VCL: variants seen among roughly 807,000 people sequenced by gnomAD.
VCL encodes epididymis luminal protein 114.
Under a neutral mutation model 125.7 loss-of-function variants are expected in VCL, and 47 were observed. The observed-to-expected ratio is 0.37, with a 90% CI of 0.30 to 0.48. The LOEUF is 0.48. Ranked by LOEUF, VCL falls within the 20% of genes least tolerant of loss-of-function variation. VCL has a pLI of 0.99. For synonymous variants in VCL, 458 were observed against 514.6 expected (o/e 0.89, Z 1.49); for missense variants, 1,069 against 1,455.5 (o/e 0.73, Z 4.32).
At chr10:74,056,525 G>A (rs1841394131) in intron 2 of VCL, among the ~76,000 whole-genome samples, 1 of 152,136 alleles carries the variant, frequency 6.6e-6, no homozygotes, top group Non-Finnish European at 1.5e-5. Flanking sequence ...ATACTTTGTG[G>A]ATGAGGTCTG....
chr10:74,003,660 C>T (rs1465250922), intron 1 of VCL, among the ~76,000 whole-genome samples: 1 of 152,128 alleles, frequency 6.6e-6, no homozygotes, highest in Admixed American at 6.6e-5. Flanking sequence ...GGGACCAGCT[C>T]TGGGACAAAT....
chr10:74,031,071 A>T (rs996860074), intron 1 of VCL, among the ~76,000 whole-genome samples: 3 of 152,242 alleles, frequency 2.0e-5, no homozygotes, highest in African/African-American at 7.2e-5. Context: ...GAAATAAGGA[A>T]TTCTTGGTCA....
intron 19 of VCL, among the ~76,000 whole-genome samples, chr10:74,113,837 A>G (rs554305163): frequency 6.6e-6 from 1 of 152,260 alleles, no homozygotes; most frequent in Admixed American, 6.5e-5. Context: ...GAGATGCCAA[A>G]GTGCTTGTTC....
rs759560099 is a variant in VCL, at chr10:74,094,476, G to A, written c.1543+15G>A. 8.7e-6 allele frequency: 14 copies of A among 1,610,396 alleles called. No individual in the cohort carries two copies. The Admixed American group carries it at 2.2e-4, about 25-fold the overall frequency. ...CCGTGGAGTCGGTAAGGGCAGCAGT[G>A]CACTATAACCTCATTAAATTGGTCT... On this transcript the variant is annotated intron_variant, in intron 11 of 21. Coordinates refer to ENST00000211998, the MANE Select transcript of VCL (RefSeq NM_014000.3).
intron 21 of VCL, among the ~76,000 whole-genome samples, chr10:74,116,876 G>A (rs1028079758): frequency 1.9e-4 from 29 of 152,182 alleles, no homozygotes; most frequent in African/African-American, 7.0e-4. Context: ...ACTTATCAGA[G>A]CCTGTGAAAC....
intron 6 of VCL, 85 bp downstream of exon 6, chr10:74,074,988 C>G (rs1043037935): frequency 6.4e-7 from 1 of 1,558,194 alleles, no homozygotes; most frequent in African/African-American, 1.4e-5. Context: ...CATACTTTAT[C>G]TTGTAATTTT....
chr10:74,048,829 T>A (rs1841242021), intron 2 of VCL, among the ~76,000 whole-genome samples: 1 of 151,710 alleles, frequency 6.6e-6, no homozygotes, highest in African/African-American at 2.4e-5. Flanking sequence ...AAAGAAAAAA[T>A]TAATTGAGAG....
At position 74,094,323 on chromosome 10, in the gene VCL, G is replaced by C; in HGVS notation, c.1405G>C (p.Ala469Pro). The C allele has an allele frequency of 6.2e-7, 1 of 1,614,144 alleles. No homozygotes were observed. The highest frequency in any genetic ancestry group is 8.5e-7 in the Non-Finnish European group (1 of 1,180,026). Residue 469 changes from alanine to proline, a missense_variant, in exon 11 of 22, where the codon GCC becomes CCC. By Grantham distance (27) the Ala-to-Pro change is conservative. Transcript: ENST00000211998. ...AGCCTTGGCCAAACAGGTGGCCACG[G>C]CCCTGCAGAACCTGCAGACCAAAAC... ...ARALAKQVAT[A>P]LQNLQTKTNR...
chr10:74,034,206 A>T (rs986529629), intron 1 of VCL, among the ~76,000 whole-genome samples: 3 of 152,198 alleles, frequency 2.0e-5, no homozygotes, highest in African/African-American at 7.2e-5. Context: ...TTTACTTAGA[A>T]TAATTAAATA....
intron 21 of VCL, among the ~76,000 whole-genome samples, chr10:74,116,867 C>T (rs962413393): frequency 7.9e-5 from 12 of 152,302 alleles, no homozygotes; most frequent in African/African-American, 2.6e-4. Flanking sequence ...CACAGTTACA[C>T]TTATCAGAGC....
intron 1 of VCL, among the ~76,000 whole-genome samples, chr10:74,037,101 G>A (rs562417660): frequency 1.3e-5 from 2 of 151,992 alleles, no homozygotes; most frequent in Non-Finnish European, 2.9e-5. Flanking sequence ...TAGTCGAGAC[G>A]GGGTTTCACC....
chr10:74,002,580 T>C (rs1018955796), intron 1 of VCL, among the ~76,000 whole-genome samples: 8 of 151,554 alleles, frequency 5.3e-5, no homozygotes, highest in African/African-American at 1.9e-4. Context: ...TATTTAGAGA[T>C]GTGGTAAGAA....
At chr10:74,096,236 C>T (rs1839967520) in intron 12 of VCL, among the ~76,000 whole-genome samples, 1 of 151,020 alleles carries the variant, frequency 6.6e-6, no homozygotes, top group South Asian at 2.1e-4. Flanking sequence ...GTGGTACATG[C>T]CTGTAATCTC....
intron 4 of VCL, among the ~76,000 whole-genome samples, 163 bp from the exon 5 acceptor site, chr10:74,072,567 A>T (rs941615984): frequency 2.0e-5 from 3 of 152,224 alleles, no homozygotes; most frequent in African/African-American, 7.2e-5. Flanking sequence ...CATTGAAAAG[A>T]GTAATGTTGC....
At chr10:74,021,906 A>G (rs1362196139) in intron 1 of VCL, among the ~76,000 whole-genome samples, 2 of 151,950 alleles carry the variant, frequency 1.3e-5, no homozygotes, top group African/African-American at 4.8e-5. Context: ...CCTCAAAGCA[A>G]CCAGTCTGGA....
At chr10:74,098,331 T>C (rs929938718) in intron 13 of VCL, among the ~76,000 whole-genome samples, 27 of 152,228 alleles carry the variant, frequency 1.8e-4, no homozygotes, top group Non-Finnish European at 2.4e-4. Context: ...GATTTCTTCA[T>C]CTCCATATCC....
intron 2 of VCL, among the ~76,000 whole-genome samples, chr10:74,069,759 G>A (rs1841633581): frequency 6.6e-6 from 1 of 151,880 alleles, no homozygotes; most frequent in Non-Finnish European, 1.5e-5. Flanking sequence ...CAACTCTGTG[G>A]GGATGAGTAA....
intron 2 of VCL, among the ~76,000 whole-genome samples, chr10:74,051,858 G>A (rs1841305160): frequency 6.6e-6 from 1 of 152,212 alleles, no homozygotes; most frequent in African/African-American, 2.4e-5. Flanking sequence ...GAGCTAGCCA[G>A]TGGTGTTAGC....
Position 74,114,863 on chromosome 10 carries a change from G to A in VCL, c.3222G>A (p.Leu1074=), listed in dbSNP as rs772554405. The A allele has an allele frequency of 6.2e-7, 1 of 1,605,340 alleles. No homozygotes were observed. Among genetic ancestry groups the A allele is most frequent in the South Asian group, 1.1e-5 (1 of 89,266 alleles). The change falls in exon 21 of 22, where the codon CTG becomes CTA. Residue 1074 remains leucine, a synonymous_variant. Coordinates refer to ENST00000211998, the MANE Select transcript of VCL (RefSeq NM_014000.3). The part of the protein sequence containing the change: ...KILSTVKATM[L]GRTNISDEES... ...TGTCCACAGTGAAGGCCACCATGCT[G>A]GGCCGGACCAACATCAGTGATGAGG... is the stretch of plus-strand genomic sequence containing the variant.
Sources: allele counts gnomAD v4.1 joint callset (sites outside exome capture counted in the v4.1 genomes callset), GRCh38; gene constraint gnomAD v4.1.1; transcripts MANE v1.5; gene names NCBI Gene and HGNC (gene_info 2026-07-23, HGNC 2026-07-21).